The following ZNF799 variants were observed in gnomAD, a reference collection of about 807,000 sequenced individuals.
ZNF799 encodes the protein zinc finger protein 14.
A neutral mutation model predicts 41.0 loss-of-function variants in ZNF799; 28 were observed. The ratio of observed to expected loss-of-function variants is 0.68; its 90% CI spans 0.51 to 0.94. ZNF799 has a LOEUF of 0.94. Among genes scored for constraint, ZNF799 ranks in the 40% least tolerant of loss-of-function variants. The probability of loss-of-function intolerance (pLI) is 0.00; values close to 1 mark genes in which losing one functional copy is unlikely to be tolerated. For synonymous variants in ZNF799, 213 were observed against 252.9 expected (o/e 0.84, Z 1.50); for missense variants, 716 against 764.3 (o/e 0.94, Z 0.74).
chr19:12,401,403 T>A (rs938435575), upstream of ZNF799: 16 of 576,834 alleles, frequency 2.8e-5, no homozygotes, highest in African/African-American at 3.1e-4. Context: ...GACACAGCCC[T>A]TGGCAGGGCG....
upstream of ZNF799, among the ~76,000 whole-genome samples, chr19:12,402,949 A>G (rs1481220480): frequency 6.6e-6 from 1 of 152,222 alleles, no homozygotes; most frequent in Non-Finnish European, 1.5e-5. Flanking sequence ...TTGGCTTTGT[A>G]AAATAAGTTT....
Position 12,394,679 on chromosome 19 carries a change from C to G in ZNF799, c.4-1256G>C, listed in dbSNP as rs1969869553. 3 of 985,234 alleles carry G rather than the reference C, an allele frequency of 3.0e-6. No homozygotes were observed. In the African/African-American group the frequency reaches 5.2e-5, roughly 17 times the overall value. 61.0% of individuals were successfully genotyped at this position (985,234 alleles called of 1,614,324 possible). A position where few individuals can be genotyped will look rare whatever the true frequency, so the allele number is the denominator to read the frequency against. On this transcript the variant is annotated intron_variant, in intron 1 of 3. Transcript: ENST00000430385. Reference sequence around the variant, plus strand: ...AAGGGGAAAGAAAGAAGGGGAAAGACTGCACATATTCTTAGAAAGAACTCA... The same window carrying G: ...AAGGGGAAAGAAAGAAGGGGAAAGAGTGCACATATTCTTAGAAAGAACTCA...
rs1052833359 is a variant in ZNF799 at position 12,390,279 on chromosome 19, C to T, written c.*187G>A. ...TATAAAAGGGACTGGACATGGCTCA[C>T]GGAGTGCTGGAACCAATACCCAGCA... On this transcript the variant is annotated 3_prime_UTR_variant, in exon 4 of 4. Transcript: ENST00000430385. 89 of 1,033,002 alleles carry T rather than the reference C, an allele frequency of 8.6e-5. No homozygotes were observed. Among genetic ancestry groups the T allele is most frequent in the East Asian group, 7.8e-4 (30 of 38,460 alleles). The allele number at this position is 1,033,002 out of a possible 1,614,324, so 64.0% of individuals were successfully genotyped here. A position where few individuals can be genotyped will look rare whatever the true frequency, so the allele number is the denominator to read the frequency against.
At position 12,391,607 on chromosome 19, in the gene ZNF799, T is replaced by A. The variant is rs572368842; in HGVS notation, c.791A>T (p.Asp264Val). Residue 264 changes from aspartate to valine, a missense_variant, in exon 4 of 4, where the codon GAT becomes GTT. Transcript: ENST00000430385. The part of the protein sequence containing the change: ...ECKQCSKAFP[D>V]YSSCLRHERT... ...TTCATGTCTTAGACAAGAACTGTAA[T>A]CAGGGAAGGCTTTAGAACACTGTTT... is the stretch of plus-strand genomic sequence containing the variant. 75 of 1,613,696 alleles carry A rather than the reference T, an allele frequency of 4.6e-5. No individual in the cohort carries two copies. The African/African-American group carries it at 8.5e-4, about 18-fold the overall frequency.
Position 12,390,469 on chromosome 19 carries a change from G to T in ZNF799, c.1929C>A (p.His643Gln). 1 of 1,613,830 alleles carries T rather than the reference G, an allele frequency of 6.2e-7. No individual in the cohort carries two copies. The part of the protein sequence containing the change: ...LSSLHRHKKT[H>Q] ...TTCCATACATTTAGAGAGAATGCTA[G>T]TGAGTCTTTTTATGTCTATGCAAGG... Residue 643 changes from histidine to glutamine, a missense_variant, in exon 4 of 4, where the codon CAC becomes CAA. Coordinates refer to ENST00000430385, the MANE Select transcript of ZNF799 (RefSeq NM_001080821.3).
chr19:12,404,921 A>G (rs1311171775), upstream of ZNF799, among the ~76,000 whole-genome samples: 1 of 152,184 alleles, frequency 6.6e-6, no homozygotes, highest in Non-Finnish European at 1.5e-5. Context: ...GGGTGCTGCC[A>G]AAAGAGATTA....
rs749129879 is a variant in ZNF799 at position 12,392,100 on chromosome 19, C to T, written c.298G>A (p.Val100Ile). ...SIVTKNTLPGVGPYESRMSGE... is the reference protein window; with the variant it reads ...SIVTKNTLPGIGPYESRMSGE... ...CTCATACGGCTTTCATATGGACCTACTCCAGGAAGAGTGTTCTTGGTCACA... is the reference window on the plus strand; with the variant it reads ...CTCATACGGCTTTCATATGGACCTATTCCAGGAAGAGTGTTCTTGGTCACA... The change falls in exon 4 of 4, where the codon GTA (valine) becomes ATA (isoleucine). Residue 100 changes from valine (V) to isoleucine (I), a missense_variant. Transcript: ENST00000430385. The T allele has an allele frequency of 6.2e-7, 1 of 1,614,186 alleles. No individual in the cohort carries two copies. Among genetic ancestry groups the T allele is most frequent in the Non-Finnish European group, 8.5e-7 (1 of 1,180,006 alleles).
intron 1 of ZNF799, chr19:12,394,363 C>A (rs530957034): frequency 6.3e-6 from 1 of 158,174 alleles, no homozygotes. Flanking sequence ...TATAAATTAC[C>A]GAGGTTCAGT....
upstream of ZNF799, among the ~76,000 whole-genome samples, chr19:12,404,141 G>T (rs1970015196): frequency 2.6e-5 from 4 of 152,126 alleles, no homozygotes; most frequent in South Asian, 8.3e-4. Flanking sequence ...TTTTTGGAGA[G>T]TTTTAAGACA....
the ZNF799 span, among the ~76,000 whole-genome samples, chr19:12,412,454 C>T: frequency 6.6e-6 from 1 of 151,858 alleles, no homozygotes; most frequent in African/African-American, 2.4e-5. Flanking sequence ...ACCAACACAT[C>T]TGAACCTAAG....
chr19:12,391,237 G>A lies in ZNF799; in HGVS notation c.1161C>T (p.His387=). 2 of 1,614,170 alleles carry A rather than the reference G, an allele frequency of 1.2e-6. No homozygotes were observed. The highest frequency in any genetic ancestry group is 1.7e-6 in the Non-Finnish European group (2 of 1,179,994). ...TGCATTTGTGAGGTCCATCTCCAGTGTGCATTGTCATGTGTCTTCGAAAGC... is the reference window on the plus strand; with the variant it reads ...TGCATTTGTGAGGTCCATCTCCAGTATGCATTGTCATGTGTCTTCGAAAGC... ...SSSFRRHMTM[H]TGDGPHKCKI... Residue 387 remains histidine (H), a synonymous_variant, in exon 4 of 4, where the codon CAC becomes CAT. Transcript: ENST00000430385.
At chr19:12,397,468 G>C (rs1245647268) in intron 1 of ZNF799, among the ~76,000 whole-genome samples, 3 of 150,744 alleles carry the variant, frequency 2.0e-5, no homozygotes, top group Non-Finnish European at 4.4e-5. Context: ...AGGAAAGCAA[G>C]TAGGGAGGAT....
the ZNF799 span, among the ~76,000 whole-genome samples, chr19:12,406,488 A>C: frequency 6.6e-6 from 1 of 151,856 alleles, no homozygotes; most frequent in Non-Finnish European, 1.5e-5. Flanking sequence ...CGTCTCAAAA[A>C]AAAAAAACCA....
intron 1 of ZNF799, chr19:12,394,653 AAAGGGGAAAGAAAG>A (rs1160313679): frequency 1.0e-6 from 1 of 985,334 alleles, no homozygotes; most frequent in Non-Finnish European, 1.2e-6. Context: ...GAGTAACGCC[AAAGGGGAAAGAAAG>A]AAGGGGAAAG....
the ZNF799 span, among the ~76,000 whole-genome samples, chr19:12,407,471 A>AAG: frequency 1.3e-5 from 2 of 151,354 alleles, no homozygotes; most frequent in East Asian, 1.9e-4. Context: ...TAAAAAAAAA[A>AAG]AGAGAGAGAG....
intron 1 of ZNF799, among the ~76,000 whole-genome samples, chr19:12,397,699 C>T (rs531479335): frequency 3.4e-5 from 5 of 148,670 alleles, no homozygotes; most frequent in East Asian, 2.0e-4. Flanking sequence ...TGAAAAAAAC[C>T]GACAAGTATA....
upstream of ZNF799, among the ~76,000 whole-genome samples, chr19:12,406,208 G>A (rs1453298524): frequency 3.3e-5 from 5 of 150,774 alleles, 1 homozygote; most frequent in African/African-American, 7.3e-5. Flanking sequence ...GGCCCGGCGC[G>A]GTGGCTCACG....
upstream of ZNF799, among the ~76,000 whole-genome samples, chr19:12,404,191 T>C (rs1332663131): frequency 6.6e-6 from 1 of 152,212 alleles, no homozygotes; most frequent in African/African-American, 2.4e-5. Context: ...TTGAGAATGA[T>C]GCATGTGCTC....
At chr19:12,402,902 T>C (rs1164589384), upstream of ZNF799, among the ~76,000 whole-genome samples, 1 of 152,232 alleles carries the variant, frequency 6.6e-6, no homozygotes, top group Non-Finnish European at 1.5e-5. Context: ...TTTCTTTTTC[T>C]GACATGTCTT....
Sources: allele counts gnomAD v4.1 joint callset (sites outside exome capture counted in the v4.1 genomes callset), GRCh38; gene constraint gnomAD v4.1.1; transcripts MANE v1.5; gene names NCBI Gene and HGNC (gene_info 2026-07-23, HGNC 2026-07-21).